The following SIPA1L2 variants were observed in gnomAD, a reference collection of about 807,000 sequenced individuals.
The protein encoded by SIPA1L2 is signal induced proliferation associated 1 like 2, also known as signal-induced proliferation-associated 1-like protein 2.
A neutral mutation model predicts 163.9 loss-of-function variants in SIPA1L2; 56 were observed. The observed-to-expected ratio is 0.34, with a 90% confidence interval of 0.28 to 0.43. The LOEUF (loss-of-function observed/expected upper bound fraction) is 0.43. Ranked by LOEUF, SIPA1L2 falls within the 20% of genes least tolerant of loss-of-function variation. SIPA1L2 has a pLI of 1.00. For missense variants in SIPA1L2, 1,974 were observed against 2,193.5 expected (o/e 0.90, Z 2.00); for synonymous variants, 877 against 865.7 (o/e 1.01, Z -0.23).
intron 2 of SIPA1L2, among the ~76,000 whole-genome samples, chr1:232,536,383 T>TG (rs779952250): frequency 7.5e-4 from 114 of 152,316 alleles, no homozygotes; most frequent in African/African-American, 2.6e-3. Context: ...ACTTAAGGCC[T>TG]GGGAATTCAG....
chr1:232,496,349 G>C (rs973607430), intron 3 of SIPA1L2, among the ~76,000 whole-genome samples: 6 of 152,056 alleles, frequency 3.9e-5, no homozygotes, highest in Non-Finnish European at 8.8e-5. Flanking sequence ...ATCCCATCTA[G>C]GTTTCTGTAA....
chr1:232,530,821 T>C (rs1041830106), intron 2 of SIPA1L2, among the ~76,000 whole-genome samples: 5 of 151,978 alleles, frequency 3.3e-5, no homozygotes, highest in African/African-American at 1.2e-4. Context: ...AACTAAAAAG[T>C]TAAATACATG....
At chr1:232,469,794 C>CA (rs1664707533) in intron 8 of SIPA1L2, among the ~76,000 whole-genome samples, 1 of 151,282 alleles carries the variant, frequency 6.6e-6, no homozygotes, top group Non-Finnish European at 1.5e-5. Flanking sequence ...GATTCAAAAA[C>CA]ATTTATTTCT....
intron 18 of SIPA1L2, among the ~76,000 whole-genome samples, chr1:232,418,219 A>G (rs965985954): frequency 2.0e-5 from 3 of 152,218 alleles, no homozygotes; most frequent in African/African-American, 7.2e-5. Context: ...GAAAAGAGAA[A>G]AATAACACAG....
chr1:232,538,202 A>T (rs775792516), intron 2 of SIPA1L2, among the ~76,000 whole-genome samples: 3 of 152,186 alleles, frequency 2.0e-5, no homozygotes, highest in Admixed American at 6.5e-5. Context: ...TGGGGCCAGG[A>T]TGGGGATCTT....
In SIPA1L2 at chr1:232,564,249, T is replaced by TC. The variant is rs1558271367; in HGVS notation, c.-270+9924_-270+9925insG. Reference sequence around the variant, plus strand: ...TTTTTTTTTTTCGTGTGTGTGTGTGTGTGTGTGTGTGTGTGTGTGTGTGTG... The same window carrying TC: ...TTTTTTTTTTTCGTGTGTGTGTGTGTCGTGTGTGTGTGTGTGTGTGTGTGTG... On this transcript the variant is annotated intron_variant, in intron 2 of 22. Coordinates refer to ENST00000674635, the MANE Select transcript of SIPA1L2 (RefSeq NM_020808.5). Among the ~76,000 whole-genome samples, 286 of 58,074 alleles carry TC rather than the reference T, an allele frequency of 4.9e-3. 25 individuals are homozygous for TC. The highest frequency in any genetic ancestry group is 0.019 in the African/African-American group (260 of 13,514). The allele number at this position is 58,074 out of a possible 152,430, so 38.1% of individuals were successfully genotyped here. A position where few individuals can be genotyped will look rare whatever the true frequency, so the allele number is the denominator to read the frequency against.
At chr1:232,610,374 T>C (rs3795367) in intron 1 of SIPA1L2, among the ~76,000 whole-genome samples, 32,614 of 152,120 alleles carry the variant, frequency 0.21, 4,476 homozygotes, top group African/African-American at 0.39. Flanking sequence ...CTGCCTCTGC[T>C]GATGGAAGGC....
chr1:232,628,508 TA>T (rs1325444978), intron 1 of SIPA1L2, among the ~76,000 whole-genome samples: 1 of 151,376 alleles, frequency 6.6e-6, no homozygotes, highest in Non-Finnish European at 1.5e-5. Flanking sequence ...ATTCTTTAAA[TA>T]AGTCCAAACA....
chr1:232,562,910 C>G (rs1269416689), intron 2 of SIPA1L2, among the ~76,000 whole-genome samples: 1 of 152,196 alleles, frequency 6.6e-6, no homozygotes, highest in Non-Finnish European at 1.5e-5. Flanking sequence ...CTAACAAACA[C>G]CTGCAAGCTG....
chr1:232,447,855 AT>A (rs1470901914), intron 10 of SIPA1L2, among the ~76,000 whole-genome samples: 5 of 152,272 alleles, frequency 3.3e-5, no homozygotes, highest in African/African-American at 1.2e-4. Context: ...CAGATTAAAA[AT>A]ACTTCATTTA....
rs1310227005 is a variant in SIPA1L2, at chr1:232,442,551, A to AG, written c.3438-684dup. 2.1e-5 allele frequency among the ~76,000 whole-genome samples: 3 copies of AG among 145,064 alleles called. No homozygotes were observed. In the East Asian group the frequency reaches 8.3e-4, roughly 40 times the overall value. The stretch of plus-strand genomic sequence containing the variant: ...CGACAGACCGAGACTCCATCTCAAA[A>AG]GAAAAAAAAAAAAAAAGGAAAAAAA... On this transcript the variant is annotated intron_variant, in intron 12 of 22. Transcript: ENST00000674635.
Position 232,483,871 on chromosome 1 carries a change from A to C in SIPA1L2, c.1902T>G (p.Phe634Leu). The change falls in exon 6 of 23, where the codon TTT becomes TTG. Residue 634 changes from phenylalanine to leucine, a missense_variant. Transcript: ENST00000674635. The stretch of plus-strand genomic sequence containing the variant: ...GGCCCAGAAGATCAAGGAATTCTTC[A>C]AAAGCTGGTCCCGCCGTCTCATTGT... ...MYNNETAGPA[F>L]EEFLDLLGQR... 1 of 1,614,068 alleles carries C rather than the reference A, an allele frequency of 6.2e-7. No individual in the cohort carries two copies. Among genetic ancestry groups the C allele is most frequent in the Non-Finnish European group, 8.5e-7 (1 of 1,179,960 alleles).
chr1:232,477,821 G>C (rs980853119), intron 7 of SIPA1L2, among the ~76,000 whole-genome samples: 6 of 152,292 alleles, frequency 3.9e-5, no homozygotes, highest in African/African-American at 1.4e-4. Flanking sequence ...TCAAATCTCT[G>C]GAGGTTGCCA....
chr1:232,459,943 TACAG>T (rs1664140151), intron 10 of SIPA1L2, among the ~76,000 whole-genome samples: 1 of 152,214 alleles, frequency 6.6e-6, no homozygotes, highest in African/African-American at 2.4e-5. Context: ...AATCCCATCT[TACAG>T]AGAGTAAGTG....
At chr1:232,579,352 C>A (rs1660245726) in intron 1 of SIPA1L2, among the ~76,000 whole-genome samples, 1 of 152,172 alleles carries the variant, frequency 6.6e-6, no homozygotes, top group Non-Finnish European at 1.5e-5. Flanking sequence ...CACCACCACA[C>A]CTCAGAGTTT....
chr1:232,429,845 G>A (rs1225012605), intron 16 of SIPA1L2, among the ~76,000 whole-genome samples: 2 of 152,158 alleles, frequency 1.3e-5, no homozygotes, highest in Admixed American at 1.3e-4. Context: ...AGAGCTCCAG[G>A]CCGTATGTGT....
In SIPA1L2 at chr1:232,630,086, G is replaced by GTCC. The variant is rs1215952750; in HGVS notation, c.-539_-537dup. On this transcript the variant is annotated 5_prime_UTR_variant, in exon 1 of 23. Transcript: ENST00000674635. Reference sequence around the variant, plus strand: ...GGCGGGGGCGCGGTGCTCCTCCTCCGTCCTCCTCCTCCTCTCGCTCCGCCA... The same window carrying GTCC: ...GGCGGGGGCGCGGTGCTCCTCCTCCGTCCTCCTCCTCCTCCTCTCGCTCCGCCA... Among the ~76,000 whole-genome samples the GTCC allele has an allele frequency of 2.0e-5, 3 of 150,642 alleles. No individual in the cohort carries two copies. The highest frequency in any genetic ancestry group is 3.9e-4 in the East Asian group (2 of 5,082).
chr1:232,427,926 A>G (rs1661997046), intron 17 of SIPA1L2, among the ~76,000 whole-genome samples: 3 of 152,234 alleles, frequency 2.0e-5, no homozygotes, highest in Admixed American at 1.3e-4. Context: ...CTTGGAGCAG[A>G]GGCTAGAGCT....
At position 232,428,478 on chromosome 1, in the gene SIPA1L2, A is replaced by C; in HGVS notation, c.4343T>G (p.Leu1448Arg). The C allele has an allele frequency of 1.3e-6, 2 of 1,599,892 alleles. No individual in the cohort carries two copies. Among genetic ancestry groups the C allele is most frequent in the Non-Finnish European group, 1.7e-6 (2 of 1,173,914 alleles). The change falls in exon 17 of 23, where the codon CTG becomes CGG. Residue 1448 changes from leucine to arginine, a missense_variant. Transcript: ENST00000674635. ...CAATTTCAGAAAATCTTCTTTAGAC[A>C]GAACATGTTGAGTCTCTGCAACAGC... ...GDAVAETQHV[L>R]SKEDFLKLML...
Sources: allele counts gnomAD v4.1 joint callset (sites outside exome capture counted in the v4.1 genomes callset), GRCh38; gene constraint gnomAD v4.1.1; transcripts MANE v1.5; gene names NCBI Gene and HGNC (gene_info 2026-07-23, HGNC 2026-07-21).